The following CSMD1 variants were observed in gnomAD, a reference collection of about 807,000 sequenced individuals.
The protein encoded by CSMD1 is CUB and Sushi multiple domains 1, also known as CUB and sushi domain-containing protein 1.
A neutral mutation model predicts 417.5 loss-of-function variants in CSMD1; 213 were observed. The ratio of observed to expected loss-of-function variants is 0.51; its 90% CI spans 0.46 to 0.57. The LOEUF (loss-of-function observed/expected upper bound fraction) is 0.57, where lower values mean the gene tolerates loss of function less well. Among genes scored for constraint, CSMD1 ranks in the 20% least tolerant of loss-of-function variants. The pLI is 0.00. For missense variants in CSMD1, 6,923 were observed against 4,529.7 expected (o/e 1.53, Z -15.17); for synonymous variants, 2,862 against 1,736.8 (o/e 1.65, Z -16.11).
chr8:4,203,015 C>G (rs563208487), intron 3 of CSMD1, among the ~76,000 whole-genome samples: 3 of 152,296 alleles, frequency 2.0e-5, no homozygotes, highest in Non-Finnish European at 4.4e-5. Context: ...GAACCTGTGA[C>G]TATGTTTCCT....
chr8:3,982,173 A>G (rs1813924629), intron 5 of CSMD1, among the ~76,000 whole-genome samples: 1 of 129,578 alleles, frequency 7.7e-6, no homozygotes, highest in African/African-American at 2.7e-5. Flanking sequence ...TAATAATAAT[A>G]ATAATAATAA....
chr8:3,784,309 C>G (rs951284780), intron 5 of CSMD1, among the ~76,000 whole-genome samples: 4 of 152,176 alleles, frequency 2.6e-5, no homozygotes, highest in African/African-American at 7.2e-5. Context: ...TAAATATATA[C>G]TTTCTAATAT....
At chr8:3,659,357 G>A (rs758564921) in intron 7 of CSMD1, among the ~76,000 whole-genome samples, 2 of 152,130 alleles carry the variant, frequency 1.3e-5, no homozygotes, top group Non-Finnish European at 2.9e-5. Context: ...TGCCAATCTA[G>A]TTTACTACCC....
In CSMD1 at chr8:3,108,589, G is replaced by GA; in HGVS notation, c.6754+13dup. Reference sequence around the variant, plus strand: ...AATTCTCAGTCTTAACTAACGGAGTGAAAATCAACTGACCGTGGAAATTGA... The same window carrying GA: ...AATTCTCAGTCTTAACTAACGGAGTGAAAAATCAACTGACCGTGGAAATTGA... On this transcript the variant is annotated intron_variant, in intron 44 of 69. Coordinates refer to ENST00000635120, the MANE Select transcript of CSMD1 (RefSeq NM_033225.6). The GA allele has an allele frequency of 6.2e-7, 1 of 1,613,118 alleles. No individual in the cohort carries two copies. Among genetic ancestry groups the GA allele is most frequent in the Non-Finnish European group, 8.5e-7 (1 of 1,179,416 alleles).
rs534340782 is a variant in CSMD1, at chr8:4,433,569, A to G, written c.303-13504T>C. On this transcript the variant is annotated intron_variant, in intron 2 of 69. Transcript: ENST00000635120. ...CTTGTGGAAGCAGACATGTGCTGCA[A>G]CAGAGAGATGAAAAGCGCCCTTAAA... Among the ~76,000 whole-genome samples, 4 of 152,318 alleles carry G rather than the reference A, an allele frequency of 2.6e-5. No individual in the cohort carries two copies. The South Asian group carries it at 8.3e-4, about 32-fold the overall frequency.
intron 7 of CSMD1, among the ~76,000 whole-genome samples, chr8:3,683,141 A>G (rs970149927): frequency 6.6e-6 from 1 of 152,300 alleles, no homozygotes; most frequent in South Asian, 2.1e-4. Flanking sequence ...GCACATGTAT[A>G]CATATGTAAC....
At position 2,938,497 on chromosome 8, in the gene CSMD1, G is replaced by T. The variant is rs546070791; in HGVS notation, c.*88C>A. 23 of 1,294,208 alleles carry T rather than the reference G, an allele frequency of 1.8e-5. No individual in the cohort carries two copies. The Admixed American group carries it at 4.4e-4, about 25-fold the overall frequency. 80.2% of individuals were successfully genotyped at this position (1,294,208 alleles called of 1,614,324 possible). ...AGATCGCTGCAGTAAAGCCAGAGTG[G>T]AAGGGAGAGTGGTATATGGCACCAA... On this transcript the variant is annotated 3_prime_UTR_variant, in exon 70 of 70. Coordinates refer to ENST00000635120, the MANE Select transcript of CSMD1 (RefSeq NM_033225.6).
chr8:3,463,607 A>C (rs1215126164), intron 12 of CSMD1, among the ~76,000 whole-genome samples: 2 of 152,172 alleles, frequency 1.3e-5, no homozygotes. Context: ...CACTTTCTAC[A>C]AGGACCAGTG....
chr8:3,914,388 C>G (rs904384464), intron 5 of CSMD1, among the ~76,000 whole-genome samples: 1 of 151,702 alleles, frequency 6.6e-6, no homozygotes, highest in Non-Finnish European at 1.5e-5. Flanking sequence ...CATACGGGTA[C>G]AGATAAAGAT....
intron 36 of CSMD1, among the ~76,000 whole-genome samples, chr8:3,182,505 G>GCT (rs1821399161): frequency 6.6e-6 from 1 of 151,992 alleles, no homozygotes. Flanking sequence ...GTGAGCCACT[G>GCT]CACCCGGCCC....
intron 3 of CSMD1, among the ~76,000 whole-genome samples, chr8:4,323,743 C>A (rs533658678): frequency 1.1e-4 from 15 of 131,882 alleles, no homozygotes; most frequent in East Asian, 3.2e-4. Flanking sequence ...CACATCCGCT[C>A]ACTCAAATAT....
chr8:4,109,005 C>T (rs924504203), intron 3 of CSMD1, among the ~76,000 whole-genome samples: 2 of 152,296 alleles, frequency 1.3e-5, no homozygotes, highest in East Asian at 1.9e-4. Context: ...GGATTGGTTT[C>T]AGGACCTCCA....
At chr8:3,051,044 T>C (rs1811785022) in intron 50 of CSMD1, among the ~76,000 whole-genome samples, 1 of 152,170 alleles carries the variant, frequency 6.6e-6, no homozygotes, top group Non-Finnish European at 1.5e-5. Context: ...TGTGGTGATT[T>C]CTCAAAGAAC....
intron 3 of CSMD1, among the ~76,000 whole-genome samples, chr8:4,300,415 G>C (rs560585945): frequency 1.3e-5 from 2 of 152,110 alleles, no homozygotes; most frequent in Non-Finnish European, 2.9e-5. Context: ...TTTTGTAAGC[G>C]ATGATGCCAG....
chr8:4,536,808 T>C (rs1462172618), intron 2 of CSMD1, among the ~76,000 whole-genome samples: 1 of 152,248 alleles, frequency 6.6e-6, no homozygotes, highest in African/African-American at 2.4e-5. Flanking sequence ...ATCATTTTAT[T>C]AACATGCGGC....
chr8:3,703,314 T>C (rs910734100), intron 7 of CSMD1, among the ~76,000 whole-genome samples: 8 of 152,194 alleles, frequency 5.3e-5, no homozygotes, highest in Non-Finnish European at 1.0e-4. Context: ...CAAGGCTGTG[T>C]AAAGAAGCTG....
At chr8:2,948,747 G>A (rs148238718) in intron 68 of CSMD1, among the ~76,000 whole-genome samples, 7 of 152,054 alleles carry the variant, frequency 4.6e-5, no homozygotes, top group Non-Finnish European at 5.9e-5. Context: ...ATTCTAGACA[G>A]AAAATTGTTG....
intron 3 of CSMD1, among the ~76,000 whole-genome samples, chr8:4,171,642 C>A (rs1797770267): frequency 6.7e-6 from 1 of 149,900 alleles, no homozygotes; most frequent in Non-Finnish European, 1.5e-5. Context: ...CCCAAACTTG[C>A]CTGTTTTTTT....
At chr8:3,776,807 G>GAGATATATATATATATATATATATAT (rs1554432748) in intron 5 of CSMD1, among the ~76,000 whole-genome samples, 1 of 139,938 alleles carries the variant, frequency 7.1e-6, no homozygotes, top group African/African-American at 2.9e-5. Context: ...ATATAGACGA[G>GAGATATATATATATATATATATATAT]ATATATATAT....
Sources: allele counts gnomAD v4.1 joint callset (sites outside exome capture counted in the v4.1 genomes callset), GRCh38; gene constraint gnomAD v4.1.1; transcripts MANE v1.5; gene names NCBI Gene and HGNC (gene_info 2026-07-23, HGNC 2026-07-21).